Variants in CFAP46 observed in about 807,000 individuals in gnomAD.
CFAP46 encodes cilia and flagella associated protein 46, also known as cilia- and flagella-associated protein 46.
Under a neutral mutation model 325.7 loss-of-function variants are expected in CFAP46, and 245 were observed. The observed-to-expected ratio is 0.75, with a 90% CI of 0.68 to 0.84. The LOEUF (loss-of-function observed/expected upper bound fraction) is 0.84, where lower values mean the gene tolerates loss of function less well. Among genes scored for constraint, CFAP46 ranks in the 40% least tolerant of loss-of-function variants. CFAP46 has a pLI of 0.00. For missense variants in CFAP46, 3,346 were observed against 3,543.0 expected (o/e 0.94, Z 1.41); for synonymous variants, 1,523 against 1,495.9 (o/e 1.02, Z -0.42).
rs1165276548 is a variant in CFAP46, at chr10:132,832,450, G to A, written c.7117+908C>T. Among the ~76,000 whole-genome samples the A allele has an allele frequency of 1.1e-4, 17 of 148,696 alleles. No individual in the cohort carries two copies. The highest frequency in any genetic ancestry group is 4.3e-4 in the African/African-American group (17 of 39,498). Reference sequence around the variant, plus strand: ...AGAGAGTAAGACCTGGGTGGGCCATGGCGCTCGCCAGCCAAACCCCCTTCG... The same window carrying A: ...AGAGAGTAAGACCTGGGTGGGCCATAGCGCTCGCCAGCCAAACCCCCTTCG... On this transcript the variant is annotated intron_variant, in intron 50 of 57. Coordinates refer to ENST00000368586, the MANE Select transcript of CFAP46 (RefSeq NM_001200049.3). This position sits in a 1 kb window ranked among gnomAD's most constrained non-coding sequence, Gnocchi z 4.1.
At chr10:132,825,607 A>G (rs1191703125) in intron 50 of CFAP46, among the ~76,000 whole-genome samples, 1 of 152,254 alleles carries the variant, frequency 6.6e-6, no homozygotes, top group African/African-American at 2.4e-5. Context: ...CCAGCTATTA[A>G]GAAAAAGATT....
chr10:132,821,477 T>G (rs1847824898), intron 50 of CFAP46, among the ~76,000 whole-genome samples: 1 of 143,814 alleles, frequency 7.0e-6, no homozygotes, highest in African/African-American at 2.7e-5. Flanking sequence ...GTGTGTTGTG[T>G]GTGCTGTGTG....
At chr10:132,902,529 C>T (rs1247498393) in intron 22 of CFAP46, among the ~76,000 whole-genome samples, 2 of 152,164 alleles carry the variant, frequency 1.3e-5, no homozygotes, top group African/African-American at 4.8e-5. Context: ...CCTGTCTGTA[C>T]ACTAGTTATT....
chr10:132,857,826 G>C (rs765849416), intron 38 of CFAP46, 38 bp from the exon 39 acceptor site: 3 of 1,412,900 alleles, frequency 2.1e-6, no homozygotes, highest in African/African-American at 1.5e-5. Context: ...AAAACATTAT[G>C]TTATTATTAC....
rs567205661 is a variant in CFAP46, at chr10:132,905,359, A to G, written c.2924+3109T>C. Among the ~76,000 whole-genome samples the G allele has an allele frequency of 5.1e-3, 767 of 151,762 alleles. 5 individuals carry two copies. Among genetic ancestry groups the G allele is most frequent in the African/African-American group, 0.017 (695 of 41,360 alleles). ...CTCCTGAGCCACCCAATGCAGTCAG[A>G]CAGCTCTCTCCGCACAGCGTCCATC... On this transcript the variant is annotated intron_variant, in intron 22 of 57. Coordinates refer to ENST00000368586, the MANE Select transcript of CFAP46 (RefSeq NM_001200049.3).
rs1661389981 is a variant in CFAP46 at position 132,813,047 on chromosome 10, C to CG, written c.7389-151dup. 3.5e-5 allele frequency: 22 copies of CG among 627,510 alleles called. No individual in the cohort carries two copies. In the South Asian group the frequency reaches 4.1e-4, roughly 12 times the overall value. The allele number at this position is 627,510 out of a possible 1,614,324, so 38.9% of individuals were successfully genotyped here. On this transcript the variant is annotated intron_variant, in intron 54 of 57. Coordinates refer to ENST00000368586, the MANE Select transcript of CFAP46 (RefSeq NM_001200049.3). Reference sequence around the variant, plus strand: ...CTTTCTTTCATGTTCCTAATGCCCACGCCTCCCTCCTCTGTGCTCTGATCA... The same window carrying CG: ...CTTTCTTTCATGTTCCTAATGCCCACGGCCTCCCTCCTCTGTGCTCTGATCA...
intron 22 of CFAP46, among the ~76,000 whole-genome samples, chr10:132,908,160 C>T (rs1027741095): frequency 7.9e-5 from 12 of 152,246 alleles, no homozygotes; most frequent in African/African-American, 1.9e-4. Context: ...GCCGGCAGGA[C>T]GGAGGCTGCC....
At chr10:132,882,423 C>T (rs1483581776) in intron 27 of CFAP46, among the ~76,000 whole-genome samples, 2 of 151,472 alleles carry the variant, frequency 1.3e-5, no homozygotes, top group African/African-American at 4.9e-5. Context: ...GGTCTAGGTG[C>T]AAGGTGTGGG....
At chr10:132,824,719 A>C (rs1353237675) in intron 50 of CFAP46, among the ~76,000 whole-genome samples, 2 of 12,502 alleles carry the variant, frequency 1.6e-4, no homozygotes, top group African/African-American at 8.9e-4. Flanking sequence ...CTGTGTGTGT[A>C]CTGATGTGTG....
At chr10:132,905,142 CCTTTT>C (rs1472565046) in intron 22 of CFAP46, among the ~76,000 whole-genome samples, 8 of 142,300 alleles carry the variant, frequency 5.6e-5, no homozygotes, top group Non-Finnish European at 1.2e-4. Context: ...TCAATCCTTT[CCTTTT>C]GTCAAAATGC....
Position 132,860,384 on chromosome 10 carries a change from C to T in CFAP46, c.5198+33G>A, listed in dbSNP as rs200721796. 2.1e-4 allele frequency: 314 copies of T among 1,484,782 alleles called. 1 individual carries two copies. Among genetic ancestry groups the T allele is most frequent in the Non-Finnish European group, 2.7e-4 (293 of 1,087,702 alleles). 92.0% of individuals were successfully genotyped at this position (1,484,782 alleles called of 1,614,324 possible). ...GGAAAAGAGGAAACCACAGCTTTCA[C>T]GCTAATGAACAGTGTTTCTTACAAA... On this transcript the variant is annotated intron_variant, in intron 37 of 57. Coordinates refer to ENST00000368586, the MANE Select transcript of CFAP46 (RefSeq NM_001200049.3).
Position 132,858,963 on chromosome 10 carries a change from C to T in CFAP46, c.5375+108G>A, listed in dbSNP as rs1358033628. The T allele has an allele frequency of 1.3e-5, 16 of 1,189,994 alleles. 1 individual carries two copies. The highest frequency in any genetic ancestry group is 6.1e-5 in the African/African-American group (4 of 65,156). 73.7% of individuals were successfully genotyped at this position (1,189,994 alleles called of 1,614,324 possible). Reference sequence around the variant, plus strand: ...CCAGGGGAGGGTCCTGTGGACCCCGCGGGGGTGCAGCCGGGGTGAGCCAGG... The same window carrying T: ...CCAGGGGAGGGTCCTGTGGACCCCGTGGGGGTGCAGCCGGGGTGAGCCAGG... On this transcript the variant is annotated intron_variant, in intron 38 of 57. Coordinates refer to ENST00000368586, the MANE Select transcript of CFAP46 (RefSeq NM_001200049.3).
chr10:132,917,746 A>C (rs1849662424), intron 16 of CFAP46, among the ~76,000 whole-genome samples: 1 of 152,200 alleles, frequency 6.6e-6, no homozygotes, highest in South Asian at 2.1e-4. Flanking sequence ...GAAGCACAGA[A>C]GGTTCTATGA....
chr10:132,815,462 C>T (rs946555595), intron 50 of CFAP46, among the ~76,000 whole-genome samples: 5 of 152,332 alleles, frequency 3.3e-5, no homozygotes, highest in Middle Eastern at 3.4e-3. Context: ...GAGGGATCCT[C>T]ATTAAGAAGG....
chr10:132,812,669 G>A (rs1467592433), intron 55 of CFAP46, 116 bp downstream of exon 55: 2 of 703,528 alleles, frequency 2.8e-6, no homozygotes, highest in Non-Finnish European at 4.9e-6. Flanking sequence ...GGCAGGAGGG[G>A]GCTGCGGCCA....
chr10:132,911,141 C>T (rs970000083), intron 19 of CFAP46, among the ~76,000 whole-genome samples: 5 of 152,234 alleles, frequency 3.3e-5, no homozygotes, highest in South Asian at 2.1e-4. Flanking sequence ...CCCTCCCCTC[C>T]GCAGCCTCCA....
intron 56 of CFAP46, 39 bp downstream of exon 56, chr10:132,810,911 C>T (rs780701690): frequency 6.6e-5 from 102 of 1,546,650 alleles, no homozygotes; most frequent in Non-Finnish European, 8.7e-5. Context: ...CCTCTCCATC[C>T]TCAGCATCCC....
intron 35 of CFAP46, among the ~76,000 whole-genome samples, chr10:132,861,352 G>T (rs951447370): frequency 1.3e-5 from 2 of 152,220 alleles, no homozygotes; most frequent in Non-Finnish European, 2.9e-5. Flanking sequence ...CGGCGTTCAG[G>T]GAGGCACAGC....
At chr10:132,937,383 G>A in intron 6 of CFAP46, 169 bp downstream of exon 6, 1 of 750,630 alleles carries the variant, frequency 1.3e-6, no homozygotes, top group Non-Finnish European at 2.1e-6. Flanking sequence ...TCTTTGCATT[G>A]GATGAACTGC....
Sources: allele counts gnomAD v4.1 joint callset (sites outside exome capture counted in the v4.1 genomes callset), GRCh38; gene constraint gnomAD v4.1.1; non-coding constraint Gnocchi (gnomAD v3.1); transcripts MANE v1.5; gene names NCBI Gene and HGNC (gene_info 2026-07-23, HGNC 2026-07-21).